The following SLMAP variants were observed in gnomAD, a reference collection of about 807,000 sequenced individuals.
SLMAP encodes sarcolemmal membrane-associated protein.
A neutral mutation model predicts 128.8 loss-of-function variants in SLMAP; 44 were observed. That is an observed-to-expected ratio of 0.34 (90% CI 0.27 to 0.44). The LOEUF is 0.44. Ranked by LOEUF, SLMAP falls within the 20% of genes least tolerant of loss-of-function variation. SLMAP has a pLI of 1.00. For synonymous variants in SLMAP, 327 were observed against 348.8 expected, an observed-to-expected ratio of 0.94 and a Z score of 0.70; for missense variants, 787 against 985.3, an observed-to-expected ratio of 0.80 and a Z score of 2.69.
intron 2 of SLMAP, among the ~76,000 whole-genome samples, chr3:57,796,487 C>T (rs749456487): frequency 3.3e-5 from 5 of 152,162 alleles, no homozygotes; most frequent in South Asian, 2.1e-4. Context: ...TCTGGACCTT[C>T]GTTTCCTCCC....
At chr3:57,846,478 T>G (rs533863620) in intron 4 of SLMAP, among the ~76,000 whole-genome samples, 46 of 152,236 alleles carry the variant, frequency 3.0e-4, no homozygotes, top group African/African-American at 1.0e-3. Flanking sequence ...AGAACTTTGC[T>G]TTTTAAGACT....
At chr3:57,796,759 A>C (rs2086823437) in intron 2 of SLMAP, among the ~76,000 whole-genome samples, 1 of 152,256 alleles carries the variant, frequency 6.6e-6, no homozygotes, top group South Asian at 2.1e-4. Context: ...ATGGTTAAAT[A>C]AATTAATGAA....
intron 15 of SLMAP, among the ~76,000 whole-genome samples, chr3:57,893,044 A>G (rs895187149): frequency 6.6e-5 from 10 of 151,550 alleles, no homozygotes; most frequent in Non-Finnish European, 8.8e-5. Context: ...TGTGTTACCC[A>G]GGATGGTCTC....
At chr3:57,785,880 A>G (rs1368261248) in intron 2 of SLMAP, among the ~76,000 whole-genome samples, 2 of 152,208 alleles carry the variant, frequency 1.3e-5, no homozygotes, top group Admixed American at 6.5e-5. Flanking sequence ...CACGTTAACT[A>G]TGTAGCTACA....
intron 4 of SLMAP, among the ~76,000 whole-genome samples, chr3:57,842,039 C>T (rs1577389726): frequency 6.6e-6 from 1 of 151,986 alleles, no homozygotes; most frequent in Non-Finnish European, 1.5e-5. Context: ...GTGGGAAAAG[C>T]CTTGAATATG....
chr3:57,917,124 C>CTTT, intron 22 of SLMAP, 47 bp downstream of exon 22: 1 of 1,611,006 alleles, frequency 6.2e-7, no homozygotes, highest in Non-Finnish European at 8.5e-7. Context: ...GGACTTAAAG[C>CTTT]CAAAAGCAAA....
At chr3:57,856,297 A>G (rs2094785078) in intron 6 of SLMAP, among the ~76,000 whole-genome samples, 1 of 152,220 alleles carries the variant, frequency 6.6e-6, no homozygotes, top group South Asian at 2.1e-4. Context: ...TTTACTTTAT[A>G]AACTTACAAG....
intron 13 of SLMAP, among the ~76,000 whole-genome samples, chr3:57,867,980 G>A (rs1455128539): frequency 6.6e-6 from 1 of 152,140 alleles, no homozygotes; most frequent in Non-Finnish European, 1.5e-5. Context: ...TAAACATAAG[G>A]CTGGGTGTGG....
chr3:57,826,641 A>G (rs1403019035), intron 2 of SLMAP, among the ~76,000 whole-genome samples: 1 of 152,122 alleles, frequency 6.6e-6, no homozygotes, highest in East Asian at 1.9e-4. Flanking sequence ...TTTGGAGCCC[A>G]TTCCTGGAAG....
At chr3:57,889,229 C>T (rs1039722147) in intron 14 of SLMAP, among the ~76,000 whole-genome samples, 2 of 152,152 alleles carry the variant, frequency 1.3e-5, no homozygotes, top group African/African-American at 4.8e-5. Flanking sequence ...CCACATACTG[C>T]AAAGAGCCTA....
chr3:57,924,934 GTGTTTTT>G (rs574788509), intron 23 of SLMAP, among the ~76,000 whole-genome samples: 80 of 148,544 alleles, frequency 5.4e-4, no homozygotes, highest in Admixed American at 1.2e-3. Context: ...AGTATTGTCA[GTGTTTTT>G]TGTTTTTTGT....
chr3:57,777,352 A>G (rs78323682), intron 2 of SLMAP, among the ~76,000 whole-genome samples: 1 of 151,578 alleles, frequency 6.6e-6, no homozygotes, highest in African/African-American at 2.4e-5. Context: ...GGAGGCTATA[A>G]TAATTTACAG....
At chr3:57,870,655 G>A (rs1366560662) in intron 13 of SLMAP, among the ~76,000 whole-genome samples, 1 of 152,172 alleles carries the variant, frequency 6.6e-6, no homozygotes, top group African/African-American at 2.4e-5. Flanking sequence ...TGCCTCTCAT[G>A]CAAAGTTGAG....
chr3:57,773,769 C>G (rs570697677), intron 2 of SLMAP, among the ~76,000 whole-genome samples: 28 of 152,060 alleles, frequency 1.8e-4, no homozygotes, highest in Admixed American at 8.5e-4. Flanking sequence ...TTGAAGATTC[C>G]GAAGTATTAA....
At chr3:57,787,500 A>G (rs1233840878) in intron 2 of SLMAP, among the ~76,000 whole-genome samples, 2 of 152,100 alleles carry the variant, frequency 1.3e-5, no homozygotes, top group African/African-American at 2.4e-5. Flanking sequence ...TTTTTGAGAC[A>G]GAGTCTCACT....
At chr3:57,861,229 T>C (rs2095044846) in intron 9 of SLMAP, among the ~76,000 whole-genome samples, 1 of 152,192 alleles carries the variant, frequency 6.6e-6, no homozygotes, top group Admixed American at 6.5e-5. Flanking sequence ...TAATTCACTC[T>C]GCAGAGAGGA....
intron 9 of SLMAP, among the ~76,000 whole-genome samples, chr3:57,861,055 C>T (rs1286792102): frequency 8.5e-5 from 13 of 152,128 alleles, no homozygotes; most frequent in Admixed American, 5.2e-4. Context: ...GAAATAAAAG[C>T]GTAACCAGGG....
chr3:57,835,629 A>G (rs1443682006), intron 3 of SLMAP, among the ~76,000 whole-genome samples: 2 of 152,174 alleles, frequency 1.3e-5, no homozygotes, highest in Non-Finnish European at 2.9e-5. Context: ...AGAGATACTG[A>G]AAAGGCATTT....
intron 2 of SLMAP, among the ~76,000 whole-genome samples, chr3:57,819,267 T>TTTGA (rs2092271107): frequency 1.3e-5 from 2 of 152,160 alleles, no homozygotes; most frequent in Non-Finnish European, 2.9e-5. Context: ...GAAATATGAG[T>TTTGA]AAAGACCAAG....
Sources: gnomAD v4.1 joint callset for allele counts (sites outside exome capture counted in the v4.1 genomes callset) on GRCh38, gnomAD v4.1.1 for gene constraint, MANE v1.5 for transcripts, NCBI Gene and HGNC (gene_info 2026-07-23, HGNC 2026-07-21) for gene names.